Variants in SLIT3 observed in about 807,000 individuals in gnomAD.
The protein encoded by SLIT3 is slit guidance ligand 3.
SLIT3 carries 68 observed loss-of-function variants against 184.0 expected under a neutral mutation model. The ratio of observed to expected loss-of-function variants is 0.37; its 90% confidence interval spans 0.30 to 0.45. The LOEUF (loss-of-function observed/expected upper bound fraction) is 0.45. Ranked by LOEUF, SLIT3 falls within the 20% of genes least tolerant of loss-of-function variation. SLIT3 has a pLI of 1.00. For missense variants in SLIT3, 1,707 were observed against 2,026.0 expected (o/e 0.84, Z 3.02); for synonymous variants, 831 against 828.6 (o/e 1.00, Z -0.05).
At chr5:168,985,913 G>A (rs1458023159) in intron 4 of SLIT3, among the ~76,000 whole-genome samples, 1 of 152,080 alleles carries the variant, frequency 6.6e-6, no homozygotes, top group Non-Finnish European at 1.5e-5. Flanking sequence ...TCATGCCTGG[G>A]AGTGCCGCAC....
At chr5:168,936,303 C>T (rs867917661) in intron 4 of SLIT3, among the ~76,000 whole-genome samples, 12 of 152,166 alleles carry the variant, frequency 7.9e-5, no homozygotes, top group Admixed American at 3.3e-4. Context: ...GGTGCAATCT[C>T]GGCTCACTGC....
At chr5:169,234,596 G>A (rs903825925) in intron 3 of SLIT3, among the ~76,000 whole-genome samples, 8 of 151,986 alleles carry the variant, frequency 5.3e-5, no homozygotes, top group African/African-American at 1.7e-4. Flanking sequence ...TGGTAGAGAC[G>A]AGGTTTCATC....
In SLIT3 at chr5:168,794,394, C is replaced by T. The variant is rs576278239; in HGVS notation, c.1007+1113G>A. Among the ~76,000 whole-genome samples, 4 of 152,254 alleles carry T rather than the reference C, an allele frequency of 2.6e-5. No homozygotes were observed. In the South Asian group the frequency reaches 6.2e-4, roughly 24 times the overall value. The stretch of plus-strand genomic sequence containing the variant: ...TTGGGCTGTTTCTGAATCCTACTGT[C>T]CTCCCTGCAGAGCCCCCAGCTCTGA... On this transcript the variant is annotated intron_variant, in intron 10 of 35. Coordinates refer to ENST00000519560, the MANE Select transcript of SLIT3 (RefSeq NM_003062.4).
At chr5:168,816,728 T>C (rs984368278) in intron 8 of SLIT3, among the ~76,000 whole-genome samples, 6 of 152,264 alleles carry the variant, frequency 3.9e-5, no homozygotes, top group Admixed American at 3.9e-4. Flanking sequence ...ATTTAGCTTT[T>C]ACCAAGGGCT....
Position 168,696,323 on chromosome 5 carries a change from G to T in SLIT3, c.3051C>A (p.Asn1017Lys). 6.2e-7 allele frequency: 1 copy of T among 1,614,214 alleles called. No homozygotes were observed. The highest frequency in any genetic ancestry group is 8.5e-7 in the Non-Finnish European group (1 of 1,180,034). The change falls in exon 28 of 36, where the codon AAC (asparagine) becomes AAA (lysine). Residue 1017 changes from asparagine to lysine, a missense_variant. By Grantham distance (94) the Asn-to-Lys change is moderately conservative (BLOSUM62 0). Coordinates refer to ENST00000519560, the MANE Select transcript of SLIT3 (RefSeq NM_003062.4). The part of the protein sequence containing the change: ...NNATCVDGIN[N>K]YVCICPPNYT... ...AGTTAGGCGGACAGATACACACGTAGTTGTTGATCCCGTCCACGCAGGTGG... is the reference window on the plus strand; with the variant it reads ...AGTTAGGCGGACAGATACACACGTATTTGTTGATCCCGTCCACGCAGGTGG...
At position 168,662,064 on chromosome 5, in the gene SLIT3, C is replaced by G. The variant is rs1337233469; in HGVS notation, c.*4390G>C. The G allele has an allele frequency of 6.6e-6, 1 of 152,264 alleles. No individual in the cohort carries two copies. Among genetic ancestry groups the G allele is most frequent in the Non-Finnish European group, 1.5e-5 (1 of 68,050 alleles). 9.4% of individuals were successfully genotyped at this position (152,264 alleles called of 1,614,324 possible). A position where few individuals can be genotyped will look rare whatever the true frequency, so the allele number is the denominator to read the frequency against. On this transcript the variant is annotated 3_prime_UTR_variant, in exon 36 of 36. Transcript: ENST00000519560. ...CAAAACATGAACAAGTCCCACAAAA[C>G]CACACTATGCCCTCTGCTTCCCCAT...
chr5:169,131,231 T>G (rs548721490), intron 4 of SLIT3, among the ~76,000 whole-genome samples: 2 of 152,238 alleles, frequency 1.3e-5, no homozygotes, highest in African/African-American at 4.8e-5. Context: ...CGAAAATCTG[T>G]TTGGGGATTA....
intron 4 of SLIT3, chr5:169,022,374 C>A (rs78987544): frequency 6.6e-6 from 1 of 152,312 alleles, no homozygotes; most frequent in African/African-American, 2.4e-5. Flanking sequence ...TTAGGCTGGG[C>A]ACCGCTATAC....
chr5:168,742,975 T>A (rs1763682319), intron 20 of SLIT3, among the ~76,000 whole-genome samples: 1 of 151,116 alleles, frequency 6.6e-6, no homozygotes, highest in Admixed American at 6.6e-5. Flanking sequence ...AAAAAAAAAA[T>A]ACAAAAATTA....
At chr5:168,815,835 G>A (rs190159366) in intron 8 of SLIT3, among the ~76,000 whole-genome samples, 203 of 152,246 alleles carry the variant, frequency 1.3e-3, no homozygotes, top group African/African-American at 4.2e-3. Flanking sequence ...TGCTGGGCCC[G>A]GTAAACCCTT....
At chr5:168,671,530 A>G in intron 33 of SLIT3, 47 bp from the exon 34 acceptor site, 1 of 1,568,390 alleles carries the variant, frequency 6.4e-7, no homozygotes, top group South Asian at 1.2e-5. Context: ...CTCCCCTGCC[A>G]CCCTGCTGTC....
chr5:168,944,584 G>T (rs569416859), intron 4 of SLIT3, among the ~76,000 whole-genome samples: 1 of 152,158 alleles, frequency 6.6e-6, no homozygotes, highest in Admixed American at 6.5e-5. Context: ...CTACAGCAAA[G>T]ACATAACACC....
chr5:168,674,447 T>G (rs1207953597), intron 32 of SLIT3, among the ~76,000 whole-genome samples: 1 of 151,958 alleles, frequency 6.6e-6, no homozygotes, highest in Non-Finnish European at 1.5e-5. Flanking sequence ...ATGCAAGTAT[T>G]CAACACTTTG....
intron 4 of SLIT3, among the ~76,000 whole-genome samples, chr5:169,093,566 G>T (rs1186824235): frequency 6.6e-6 from 1 of 152,208 alleles, no homozygotes; most frequent in Non-Finnish European, 1.5e-5. Flanking sequence ...AGATTTCTCT[G>T]CAGATCCTTA....
chr5:169,032,143 C>T (rs1029712842), intron 4 of SLIT3, among the ~76,000 whole-genome samples: 1 of 152,016 alleles, frequency 6.6e-6, no homozygotes, highest in African/African-American at 2.4e-5. Context: ...ATTAGGATGC[C>T]TAATTCATGT....
chr5:168,772,592 G>A, intron 14 of SLIT3, 189 bp downstream of exon 14: 1 of 603,772 alleles, frequency 1.7e-6, no homozygotes, highest in South Asian at 2.0e-5. Flanking sequence ...GTGTGTGTGT[G>A]TGTTTTATTT....
rs112540449 is a variant in SLIT3, at chr5:168,988,218, G to A, written c.414-104882C>T. ...GCCCTGTGTCCTGGAAAATCCTTCC[G>A]TGCTAGGCAAACACAGATGGTTGCT... On this transcript the variant is annotated intron_variant, in intron 4 of 35. Coordinates refer to ENST00000519560, the MANE Select transcript of SLIT3 (RefSeq NM_003062.4). Among the ~76,000 whole-genome samples the A allele has an allele frequency of 6.1e-3, 928 of 152,314 alleles. 14 individuals carry two copies. The highest frequency in any genetic ancestry group is 0.021 in the African/African-American group (868 of 41,576).
At chr5:169,166,142 C>T (rs1043800639) in intron 4 of SLIT3, among the ~76,000 whole-genome samples, 9 of 115,170 alleles carry the variant, frequency 7.8e-5, no homozygotes, top group East Asian at 5.9e-4. Flanking sequence ...CTAAGACTAA[C>T]GCTACTAATT....
In SLIT3 at chr5:169,226,005, G is replaced by A. The variant is rs183485026; in HGVS notation, c.341+18700C>T. Among the ~76,000 whole-genome samples the A allele has an allele frequency of 6.6e-5, 10 of 152,256 alleles. No individual in the cohort carries two copies. In the East Asian group the frequency reaches 9.7e-4, roughly 15 times the overall value. ...CCTTTGAGCAAGAGAAGATAATGGC[G>A]CGGATGAGATCAGCACAGTGGATAA... On this transcript the variant is annotated intron_variant, in intron 3 of 35. Coordinates refer to ENST00000519560, the MANE Select transcript of SLIT3 (RefSeq NM_003062.4).
Sources: gnomAD v4.1 joint callset for allele counts (sites outside exome capture counted in the v4.1 genomes callset) on GRCh38, gnomAD v4.1.1 for gene constraint, MANE v1.5 for transcripts, NCBI Gene and HGNC (gene_info 2026-07-23, HGNC 2026-07-21) for gene names.